Variants in ITGAE observed in about 807,000 individuals in gnomAD.
ITGAE encodes the protein integrin alpha-E.
A neutral mutation model predicts 136.5 loss-of-function variants in ITGAE; 99 were observed. The observed-to-expected ratio is 0.73, with a 90% CI of 0.62 to 0.86. The LOEUF (loss-of-function observed/expected upper bound fraction) is 0.86. Ranked by LOEUF, ITGAE falls within the 40% of genes least tolerant of loss-of-function variation. The pLI is 0.00. For missense variants in ITGAE, 1,447 were observed against 1,515.3 expected (o/e 0.95, Z 0.75); for synonymous variants, 613 against 591.8 (o/e 1.04, Z -0.52).
chr17:3,732,525 G>C, intron 21 of ITGAE, 59 bp from the exon 22 acceptor site: 1 of 1,439,330 alleles, frequency 6.9e-7, no homozygotes, highest in Non-Finnish European at 9.8e-7. Context: ...ACAAAAACGT[G>C]GTTTCCTCAC....
chr17:3,751,795 G>A lies in ITGAE; in HGVS notation c.1748C>T (p.Ala583Val). 6.2e-7 allele frequency: 1 copy of A among 1,614,108 alleles called. No individual in the cohort carries two copies. Among genetic ancestry groups the A allele is most frequent in the Non-Finnish European group, 8.5e-7 (1 of 1,179,988 alleles). Residue 583 changes from alanine to valine, a missense_variant, in exon 15 of 31, where the codon GCT becomes GTT. Physicochemically the swap from Ala to Val is moderately conservative, Grantham distance 64. Coordinates refer to ENST00000263087, the MANE Select transcript of ITGAE (RefSeq NM_002208.5). ...TNARFGFAMAAMGDLSQDKLT... is the reference protein window; with the variant it reads ...TNARFGFAMAVMGDLSQDKLT... ...CTTATCCTGACTGAGATCCCCCATA[G>A]CCGCCATGGCAAAGCCAAAGCGGGC...
Position 3,757,099 on chromosome 17 carries a change from C to T in ITGAE, c.1056G>A (p.Arg352=). The change falls in exon 10 of 31, where the codon AGG becomes AGA. Residue 352 remains arginine, a synonymous_variant. Transcript: ENST00000263087. The part of the protein sequence containing the change: ...GEEFKSARTA[R]ELNLIASDPD... ...GGTCTGAGGCGATCAGGTTCAGTTCCCTCGCAGTCCTAGCACTCTTAAATT... is the reference window on the plus strand; with the variant it reads ...GGTCTGAGGCGATCAGGTTCAGTTCTCTCGCAGTCCTAGCACTCTTAAATT... 6.2e-7 allele frequency: 1 copy of T among 1,614,164 alleles called. No homozygotes were observed. The highest frequency in any genetic ancestry group is 8.5e-7 in the Non-Finnish European group (1 of 1,180,022).
intron 1 of ITGAE, among the ~76,000 whole-genome samples, chr17:3,795,871 CCGTGTG>C (rs1345929142): frequency 8.4e-6 from 1 of 119,398 alleles, no homozygotes; most frequent in African/African-American, 3.4e-5. Context: ...CCATGTGCAT[CCGTGTG>C]CGTGTGCATC....
intron 26 of ITGAE, chr17:3,724,276 G>C (rs2143008034): frequency 6.3e-7 from 1 of 1,589,328 alleles, no homozygotes; most frequent in African/African-American, 1.3e-5. Flanking sequence ...GTGACCCCAA[G>C]ACGCCTGGGG....
At chr17:3,776,759 A>G (rs2052550809) in intron 2 of ITGAE, among the ~76,000 whole-genome samples, 2 of 151,524 alleles carry the variant, frequency 1.3e-5, no homozygotes, top group South Asian at 4.2e-4. Flanking sequence ...GGGTCTCACT[A>G]TGTTGCCCAG....
chr17:3,727,994 G>T lies in ITGAE; in HGVS notation c.3009C>A (p.Tyr1003Ter). The T allele has an allele frequency of 1.9e-6, 3 of 1,614,012 alleles. No homozygotes were observed. In the South Asian group the frequency reaches 3.3e-5, roughly 18 times the overall value. The change falls in exon 26 of 31, where the codon TAC becomes TAA. Residue 1003 changes from tyrosine (Y) to a stop codon, truncating the protein, a stop_gained. Transcript: ENST00000263087. LOFTEE classifies it high-confidence loss of function. ...TGGTTGGGACGCAAATTTGCAACTGGTATTCTGCTCCAAAGAGGTTCTCCC... is the reference window on the plus strand; with the variant it reads ...TGGTTGGGACGCAAATTTGCAACTGTTATTCTGCTCCAAAGAGGTTCTCCC... ...VHGENLFGAE[Y>*]QLQICVPTKL...
intron 2 of ITGAE, among the ~76,000 whole-genome samples, chr17:3,766,312 G>A (rs1194339318): frequency 6.6e-6 from 1 of 152,164 alleles, no homozygotes; most frequent in Non-Finnish European, 1.5e-5. Flanking sequence ...AGGGAGGCAG[G>A]AGAATCAGAG....
intron 21 of ITGAE, 103 bp from the exon 22 acceptor site, chr17:3,732,569 CT>C: frequency 4.4e-6 from 4 of 912,834 alleles, no homozygotes; most frequent in Non-Finnish European, 7.1e-6. Flanking sequence ...ATTTTTCTGC[CT>C]GTCAGACACC....
intron 1 of ITGAE, among the ~76,000 whole-genome samples, chr17:3,781,331 T>C (rs569864138): frequency 6.6e-5 from 10 of 151,990 alleles, no homozygotes; most frequent in Non-Finnish European, 1.5e-4. Flanking sequence ...ATTTTTTTTC[T>C]TCTTTCATTT....
At position 3,752,859 on chromosome 17, in the gene ITGAE, G is replaced by A. The variant is rs530592945; in HGVS notation, c.1668+431C>T. On this transcript the variant is annotated intron_variant, in intron 14 of 30. Coordinates refer to ENST00000263087, the MANE Select transcript of ITGAE (RefSeq NM_002208.5). ...GAGGTCGGGAGTTCAAGACCAGCCT[G>A]ACCAACATGGAGAAACCCTGTCTCT... is the stretch of plus-strand genomic sequence containing the variant. Among the ~76,000 whole-genome samples, 10 of 151,752 alleles carry A rather than the reference G, an allele frequency of 6.6e-5. No homozygotes were observed. The East Asian group carries it at 1.2e-3, about 18-fold the overall frequency.
At chr17:3,739,561 A>G (rs2051536321) in intron 20 of ITGAE, among the ~76,000 whole-genome samples, 1 of 152,196 alleles carries the variant, frequency 6.6e-6, no homozygotes, top group South Asian at 2.1e-4. Flanking sequence ...AAGTCCACCA[A>G]ATGGCCTATG....
rs1242556157 is a variant in ITGAE, at chr17:3,787,731, A to G, written c.35-10071T>C. Among the ~76,000 whole-genome samples the G allele has an allele frequency of 2.0e-5, 3 of 147,778 alleles. No homozygotes were observed. The East Asian group carries it at 6.0e-4, about 29-fold the overall frequency. On this transcript the variant is annotated intron_variant, in intron 1 of 30. Coordinates refer to ENST00000263087, the MANE Select transcript of ITGAE (RefSeq NM_002208.5). ...GAGAGGGAGTTTTGCTCCGTCGCCC[A>G]GGCTGGAGTGCCATGGCACAATCTC...
chr17:3,718,606 G>C (rs2050986061), intron 29 of ITGAE, among the ~76,000 whole-genome samples: 1 of 152,204 alleles, frequency 6.6e-6, no homozygotes, highest in Admixed American at 6.5e-5. Flanking sequence ...TTATTGTCAG[G>C]AACTACTTAA....
chr17:3,744,352 G>C (rs1231730488), intron 18 of ITGAE, among the ~76,000 whole-genome samples: 1 of 151,872 alleles, frequency 6.6e-6, no homozygotes, highest in East Asian at 1.9e-4. Flanking sequence ...GTCTATAGCT[G>C]CTATGGTTCT....
intron 2 of ITGAE, among the ~76,000 whole-genome samples, chr17:3,771,917 G>A (rs1317114515): frequency 6.6e-6 from 1 of 151,858 alleles, no homozygotes; most frequent in Non-Finnish European, 1.5e-5. Context: ...ATTCATCTTC[G>A]TGCAACACAA....
In ITGAE at chr17:3,759,018, G is replaced by A. The variant is rs908332140; in HGVS notation, c.866+384C>T. ...TGGCCGCCTGTAGTCCCAGCTACTC[G>A]GGAGGCTGAGGCAGGAGAATGGTGT... is the stretch of plus-strand genomic sequence containing the variant. On this transcript the variant is annotated intron_variant, in intron 8 of 30. Coordinates refer to ENST00000263087, the MANE Select transcript of ITGAE (RefSeq NM_002208.5). 1.5e-4 allele frequency among the ~76,000 whole-genome samples: 23 copies of A among 151,740 alleles called. 1 individual carries two copies. The highest frequency in any genetic ancestry group is 1.9e-4 in the Non-Finnish European group (13 of 67,932).
intron 1 of ITGAE, among the ~76,000 whole-genome samples, chr17:3,788,198 C>CTTTT: frequency 7.1e-6 from 1 of 141,102 alleles, no homozygotes; most frequent in Non-Finnish European, 1.6e-5. Context: ...CACTCACTTA[C>CTTTT]TTTTTTTTTT....
At chr17:3,748,097 T>A in intron 16 of ITGAE, 45 bp from the exon 17 acceptor site, 1 of 1,584,672 alleles carries the variant, frequency 6.3e-7, no homozygotes. Flanking sequence ...CTGCTCAGCC[T>A]CTGGGTCAGG....
intron 1 of ITGAE, among the ~76,000 whole-genome samples, chr17:3,791,314 A>C (rs566187316): frequency 6.6e-6 from 1 of 150,656 alleles, no homozygotes; most frequent in Non-Finnish European, 1.5e-5. Context: ...ACTGAGTCGT[A>C]CTCTGTTGCC....
Sources: gnomAD v4.1 joint callset for allele counts (sites outside exome capture counted in the v4.1 genomes callset) on GRCh38, gnomAD v4.1.1 for gene constraint, MANE v1.5 for transcripts, NCBI Gene and HGNC (gene_info 2026-07-23, HGNC 2026-07-21) for gene names.